The following RBFOX1 variants were observed in gnomAD, a reference collection of about 807,000 sequenced individuals.
RBFOX1 encodes the protein RNA binding protein fox-1 homolog 1.
A neutral mutation model predicts 57.7 loss-of-function variants in RBFOX1; 8 were observed. The ratio of observed to expected loss-of-function variants is 0.14; its 90% confidence interval spans 0.08 to 0.25. RBFOX1 has a LOEUF of 0.25. Among genes scored for constraint, RBFOX1 ranks in the 10% least tolerant of loss-of-function variants. RBFOX1 has a pLI of 1.00. For missense variants in RBFOX1, 611 were observed against 548.5 expected, an observed-to-expected ratio of 1.11 and a Z score of -1.14; for synonymous variants, 326 against 222.4, an observed-to-expected ratio of 1.47 and a Z score of -4.15.
chr16:6,537,847 A>G (rs1262466927), intron 2 of RBFOX1, among the ~76,000 whole-genome samples: 4 of 152,068 alleles, frequency 2.6e-5, no homozygotes, highest in Non-Finnish European at 5.9e-5. Context: ...TTCTTTATAT[A>G]TAGAAAAATA....
At chr16:5,358,986 G>A (rs901152591) in intron 1 of RBFOX1, among the ~76,000 whole-genome samples, 5 of 152,044 alleles carry the variant, frequency 3.3e-5, no homozygotes, top group African/African-American at 4.8e-5. Flanking sequence ...GCCTCTGGTG[G>A]CCATCCTTCT....
intron 3 of RBFOX1, among the ~76,000 whole-genome samples, chr16:7,047,661 T>G (rs1598010641): frequency 6.6e-6 from 1 of 150,928 alleles, no homozygotes; most frequent in South Asian, 2.1e-4. Flanking sequence ...ATTCTAGAAT[T>G]TCAGTAACAT....
intron 2 of RBFOX1, among the ~76,000 whole-genome samples, chr16:6,561,444 A>G (rs1165010525): frequency 6.6e-6 from 1 of 152,220 alleles, no homozygotes; most frequent in African/African-American, 2.4e-5. Flanking sequence ...TTTACCCAAT[A>G]GGCTGTAACA....
intron 4 of RBFOX1, among the ~76,000 whole-genome samples, chr16:7,335,847 T>G (rs1343244080): frequency 6.6e-6 from 1 of 152,200 alleles, no homozygotes; most frequent in Admixed American, 6.5e-5. Context: ...ACACTTGTTG[T>G]GTGTAGCCAA....
chr16:6,849,291 C>G (rs746510568), intron 3 of RBFOX1, among the ~76,000 whole-genome samples: 5 of 152,104 alleles, frequency 3.3e-5, no homozygotes, highest in Non-Finnish European at 7.4e-5. Flanking sequence ...CAATATTCTG[C>G]TCATTGGCAA....
chr16:5,525,682 C>T (rs1431839094), intron 2 of RBFOX1, among the ~76,000 whole-genome samples: 4 of 151,648 alleles, frequency 2.6e-5, no homozygotes, highest in South Asian at 2.1e-4. Flanking sequence ...ATTTTTAGTA[C>T]AGACAGGGTT....
At chr16:5,621,320 T>C (rs1414374646) in intron 3 of RBFOX1, among the ~76,000 whole-genome samples, 1 of 152,184 alleles carries the variant, frequency 6.6e-6, no homozygotes, top group African/African-American at 2.4e-5. Flanking sequence ...TGTCTCCAAA[T>C]AGGTCTCACA....
chr16:6,336,210 T>A (rs1397058481), intron 2 of RBFOX1, among the ~76,000 whole-genome samples: 2 of 99,700 alleles, frequency 2.0e-5, no homozygotes, highest in African/African-American at 8.8e-5. Context: ...TTTTTTTTTT[T>A]TTTTTTGAGA....
intron 3 of RBFOX1, among the ~76,000 whole-genome samples, chr16:6,880,791 A>G (rs1449863640): frequency 6.7e-6 from 1 of 149,540 alleles, no homozygotes; most frequent in Non-Finnish European, 1.5e-5. Flanking sequence ...TTATTACAGT[A>G]TTTCTTATAT....
chr16:7,138,338 A>G (rs1269243024), intron 4 of RBFOX1, among the ~76,000 whole-genome samples: 4 of 152,194 alleles, frequency 2.6e-5, no homozygotes, highest in Admixed American at 1.3e-4. Flanking sequence ...CAAGGGTTTC[A>G]GTGTTAAACG....
At position 6,852,877 on chromosome 16, in the gene RBFOX1, G is replaced by C. The variant is rs558497701; in HGVS notation, c.-16+198227G>C. ...GAACTGCTGTCCAGGTGAGGTGCAT[G>C]CTGGGAACTAGCTGTCCACACAAGG... is the stretch of plus-strand genomic sequence containing the variant. On this transcript the variant is annotated intron_variant, in intron 3 of 15. Transcript: ENST00000550418. Among the ~76,000 whole-genome samples, 169 of 152,086 alleles carry C rather than the reference G, an allele frequency of 1.1e-3. 1 individual carries two copies. The highest frequency in any genetic ancestry group is 2.1e-3 in the Non-Finnish European group (142 of 68,016).
At chr16:6,300,164 G>C (rs1002435900) in intron 1 of RBFOX1, among the ~76,000 whole-genome samples, 1 of 152,198 alleles carries the variant, frequency 6.6e-6, no homozygotes, top group Admixed American at 6.5e-5. Flanking sequence ...ACAGAGAGTA[G>C]AATGGTGTTT....
chr16:5,790,859 A>ATTTTTTTTTTTTTTTTTTTTTTTTT (rs1157751312), intron 3 of RBFOX1, among the ~76,000 whole-genome samples: 1 of 112,960 alleles, frequency 8.9e-6, no homozygotes, highest in Non-Finnish European at 1.9e-5. Flanking sequence ...GTGGGTCTTT[A>ATTTTTTTTTTTTTTTTTTTTTTTTT]TTTTTTTTTT....
At chr16:7,279,289 C>T (rs1022665192) in intron 4 of RBFOX1, among the ~76,000 whole-genome samples, 5 of 152,112 alleles carry the variant, frequency 3.3e-5, no homozygotes, top group African/African-American at 1.2e-4. Context: ...TACAGTGTCT[C>T]TTTGGTAAAG....
intron 4 of RBFOX1, among the ~76,000 whole-genome samples, chr16:5,884,627 T>G (rs1567668632): frequency 2.6e-5 from 4 of 152,146 alleles, no homozygotes; most frequent in African/African-American, 9.7e-5. Context: ...CGTGGATTGC[T>G]CATCCCCATG....
chr16:6,664,382 C>G (rs1003063287), intron 3 of RBFOX1, among the ~76,000 whole-genome samples: 1 of 152,194 alleles, frequency 6.6e-6, no homozygotes, highest in Non-Finnish European at 1.5e-5. Context: ...ACACCTCACC[C>G]CTGGTCCTAC....
intron 3 of RBFOX1, among the ~76,000 whole-genome samples, chr16:5,788,740 C>G (rs1399862382): frequency 6.6e-6 from 1 of 152,144 alleles, no homozygotes; most frequent in Non-Finnish European, 1.5e-5. Context: ...CATACACATA[C>G]ACATTCACAC....
chr16:6,869,497 C>T (rs949519990), intron 3 of RBFOX1, among the ~76,000 whole-genome samples: 1 of 151,154 alleles, frequency 6.6e-6, no homozygotes, highest in Non-Finnish European at 1.5e-5. Flanking sequence ...TGTAAATGCC[C>T]TGAGTTTTTC....
At chr16:7,578,276 A>G (rs1447780031) in intron 5 of RBFOX1, among the ~76,000 whole-genome samples, 4 of 152,238 alleles carry the variant, frequency 2.6e-5, no homozygotes, top group African/African-American at 9.6e-5. Context: ...TGACCACTGT[A>G]CTGCTTCCTA....
Sources: gnomAD v4.1 joint callset for allele counts (sites outside exome capture counted in the v4.1 genomes callset) on GRCh38, gnomAD v4.1.1 for gene constraint, MANE v1.5 for transcripts, NCBI Gene and HGNC (gene_info 2026-07-23, HGNC 2026-07-21) for gene names.